MAPKAPK2: variants seen among roughly 807,000 people sequenced by gnomAD.
The protein encoded by MAPKAPK2 is MAP kinase-activated protein kinase 2.
A neutral mutation model predicts 48.8 loss-of-function variants in MAPKAPK2; 9 were observed. That is an observed-to-expected ratio of 0.18 (90% CI 0.11 to 0.32). The LOEUF (loss-of-function observed/expected upper bound fraction) is 0.32, where lower values mean the gene tolerates loss of function less well. Among genes scored for constraint, MAPKAPK2 ranks in the 10% least tolerant of loss-of-function variants. The probability of loss-of-function intolerance (pLI) is 1.00; values close to 1 mark genes in which losing one functional copy is unlikely to be tolerated. For synonymous variants in MAPKAPK2, 202 were observed against 190.6 expected (o/e 1.06, Z -0.49); for missense variants, 331 against 498.3 (o/e 0.66, Z 3.20).
chr1:206,714,488 C>T (rs891706363), intron 1 of MAPKAPK2, among the ~76,000 whole-genome samples: 7 of 152,050 alleles, frequency 4.6e-5, no homozygotes, highest in African/African-American at 1.4e-4. Context: ...GCCGGCTGGA[C>T]GCAGTGGCTC....
At chr1:206,725,841 A>G (rs1258117205) in intron 1 of MAPKAPK2, among the ~76,000 whole-genome samples, 2 of 152,128 alleles carry the variant, frequency 1.3e-5, no homozygotes, top group Non-Finnish European at 2.9e-5. Flanking sequence ...CTCTTACAGC[A>G]TGTAATCTCA....
chr1:206,710,312 G>A (rs1351977375), intron 1 of MAPKAPK2, among the ~76,000 whole-genome samples: 3 of 152,230 alleles, frequency 2.0e-5, no homozygotes, highest in Non-Finnish European at 4.4e-5. Flanking sequence ...TTCTTGAAGA[G>A]TCTTTTGGTG....
Position 206,732,906 on chromosome 1 carries a change from T to C in MAPKAPK2, c.*188T>C, listed in dbSNP as rs1055105855. 2.8e-5 allele frequency: 18 copies of C among 646,334 alleles called. No homozygotes were observed. The highest frequency in any genetic ancestry group is 9.5e-5 in the South Asian group (4 of 42,258). The allele number at this position is 646,334 out of a possible 1,614,324, so 40.0% of individuals were successfully genotyped here. A position where few individuals can be genotyped will look rare whatever the true frequency, so the allele number is the denominator to read the frequency against. On this transcript the variant is annotated 3_prime_UTR_variant, in exon 10 of 10. Coordinates refer to ENST00000367103, the MANE Select transcript of MAPKAPK2 (RefSeq NM_032960.4). The surrounding 1 kb of genome is among the most constrained non-coding windows in gnomAD (Gnocchi z 4.4). ...CCCCAGAGTGGGAGAGGCTGGGAGG[T>C]TGGGAGGCTGTGGAGAGAAGTGAGC...
chr1:206,709,347 A>C (rs958758956), intron 1 of MAPKAPK2, among the ~76,000 whole-genome samples: 5 of 152,132 alleles, frequency 3.3e-5, no homozygotes, highest in Non-Finnish European at 7.3e-5. Flanking sequence ...TGGAAGTATA[A>C]TACTCTTTTA....
At chr1:206,713,727 G>A (rs558866282) in intron 1 of MAPKAPK2, among the ~76,000 whole-genome samples, 9 of 152,298 alleles carry the variant, frequency 5.9e-5, no homozygotes, top group East Asian at 1.9e-4. Flanking sequence ...TTAGCCAGGC[G>A]TGGTGGTGTA....
chr1:206,686,043 C>T (rs1179708237), intron 1 of MAPKAPK2, among the ~76,000 whole-genome samples: 1 of 152,120 alleles, frequency 6.6e-6, no homozygotes, highest in Non-Finnish European at 1.5e-5. Context: ...CGAGGGCAGC[C>T]GGGCCGCCTT....
chr1:206,728,884 G>A (rs1429253782), intron 2 of MAPKAPK2, 35 bp downstream of exon 2: 3 of 1,612,446 alleles, frequency 1.9e-6, no homozygotes, highest in African/African-American at 2.7e-5. Flanking sequence ...GGCCCAGCCT[G>A]TTCCCACTCC....
chr1:206,730,886 C>A, intron 6 of MAPKAPK2, 123 bp downstream of exon 6: 1 of 1,097,950 alleles, frequency 9.1e-7, no homozygotes, highest in Admixed American at 1.9e-5. Flanking sequence ...CCTGCGTGCC[C>A]CTTCTCTCAG....
At position 206,728,855 on chromosome 1, in the gene MAPKAPK2, C is replaced by A. The variant is rs782219301; in HGVS notation, c.419+6C>A. 6.2e-7 allele frequency: 1 copy of A among 1,613,894 alleles called. No homozygotes were observed. ...CTGCTGATTGTCATGGAATGGTAAGCAGCCACTGTTCTAGTCCCGGCCCAG... is the reference window on the plus strand; with the variant it reads ...CTGCTGATTGTCATGGAATGGTAAGAAGCCACTGTTCTAGTCCCGGCCCAG... On this transcript the variant is annotated splice_donor_region_variant and intron_variant, in intron 2 of 9. Coordinates refer to ENST00000367103, the MANE Select transcript of MAPKAPK2 (RefSeq NM_032960.4).
At chr1:206,727,825 G>A (rs560115194) in intron 1 of MAPKAPK2, among the ~76,000 whole-genome samples, 9 of 152,212 alleles carry the variant, frequency 5.9e-5, no homozygotes, top group South Asian at 2.1e-4. Context: ...GGGTTTCACC[G>A]TGTTAGCCAG....
chr1:206,731,577 G>A lies in MAPKAPK2; in HGVS notation c.893-63G>A, dbSNP rs1553432693. 1 of 1,418,002 alleles carries A rather than the reference G, an allele frequency of 7.1e-7. No homozygotes were observed. The highest frequency in any genetic ancestry group is 2.3e-5 in the East Asian group (1 of 43,940). The allele number at this position is 1,418,002 out of a possible 1,614,324, so 87.8% of individuals were successfully genotyped here. ...AACCTGGTTTCCCCATGAAAACTGG[G>A]GAAAGGAGCAGGCCAGGGAGAGTGA... On this transcript the variant is annotated intron_variant, in intron 7 of 9. Coordinates refer to ENST00000367103, the MANE Select transcript of MAPKAPK2 (RefSeq NM_032960.4). The surrounding 1 kb of genome is among the most constrained non-coding windows in gnomAD (Gnocchi z 5.9).
At chr1:206,691,482 G>GATACATATATATATAT (rs371759587) in intron 1 of MAPKAPK2, among the ~76,000 whole-genome samples, 1 of 77,294 alleles carries the variant, frequency 1.3e-5, no homozygotes, top group Non-Finnish European at 2.8e-5. Context: ...TGTATTTTAA[G>GATACATATATATATAT]ATATATATAT....
chr1:206,732,467 C>T lies in MAPKAPK2; in HGVS notation c.1060-108C>T, dbSNP rs1169627036. ...TCTCTCTCTGCTCCCACCCCTGCCG[C>T]CCTCACCCTGCCCTTGTTGTCTCTG... On this transcript the variant is annotated intron_variant, in intron 9 of 9. Coordinates refer to ENST00000367103, the MANE Select transcript of MAPKAPK2 (RefSeq NM_032960.4). The surrounding 1 kb of genome is among the most constrained non-coding windows in gnomAD (Gnocchi z 4.4). The T allele has an allele frequency of 1.2e-5, 19 of 1,538,058 alleles. No individual in the cohort carries two copies. Among genetic ancestry groups the T allele is most frequent in the Non-Finnish European group, 1.7e-5 (19 of 1,140,706 alleles).
At chr1:206,695,081 G>C (rs1672573871) in intron 1 of MAPKAPK2, among the ~76,000 whole-genome samples, 1 of 152,202 alleles carries the variant, frequency 6.6e-6, no homozygotes, top group Admixed American at 6.5e-5. Flanking sequence ...CTCACAGAGA[G>C]GAGGAGGAAG....
chr1:206,694,096 G>T (rs149462318), intron 1 of MAPKAPK2, among the ~76,000 whole-genome samples: 1 of 152,360 alleles, frequency 6.6e-6, no homozygotes, highest in South Asian at 2.1e-4. Flanking sequence ...TAGATACTGG[G>T]CAGAGTCTGA....
At chr1:206,726,300 T>C (rs1673699837) in intron 1 of MAPKAPK2, among the ~76,000 whole-genome samples, 1 of 152,210 alleles carries the variant, frequency 6.6e-6, no homozygotes, top group Non-Finnish European at 1.5e-5. Context: ...AGTGGGAGAA[T>C]TGTTTGAACC....
Position 206,718,692 on chromosome 1 carries a change from G to T in MAPKAPK2, c.280-10018G>T, listed in dbSNP as rs181093103. On this transcript the variant is annotated intron_variant, in intron 1 of 9. Transcript: ENST00000367103. ...TCTACGACACCGCACGTTTTCCATT[G>T]TATGGATTTGCTGTCATTTCATTTA... Among the ~76,000 whole-genome samples the T allele has an allele frequency of 2.0e-5, 3 of 152,236 alleles. No individual in the cohort carries two copies. The East Asian group carries it at 5.8e-4, about 29-fold the overall frequency.
At chr1:206,707,149 G>T (rs1301929686) in intron 1 of MAPKAPK2, among the ~76,000 whole-genome samples, 1 of 152,060 alleles carries the variant, frequency 6.6e-6, no homozygotes, top group Non-Finnish European at 1.5e-5. Context: ...CCTAGACGGG[G>T]TATCCTGTTG....
chr1:206,721,246 T>G (rs1553431174), intron 1 of MAPKAPK2, among the ~76,000 whole-genome samples: 2 of 152,172 alleles, frequency 1.3e-5, no homozygotes, highest in South Asian at 2.1e-4. Context: ...CCACCATGAT[T>G]GTAAGCTTCC....
Sources: allele counts gnomAD v4.1 joint callset (sites outside exome capture counted in the v4.1 genomes callset), GRCh38; gene constraint gnomAD v4.1.1; non-coding constraint Gnocchi (gnomAD v3.1); transcripts MANE v1.5; gene names NCBI Gene and HGNC (gene_info 2026-07-23, HGNC 2026-07-21).